Variants in RRP12 observed in about 807,000 individuals in gnomAD.
RRP12 encodes the protein RRP12-like protein.
In RRP12, 78 loss-of-function variants were observed where a neutral mutation model predicts 157.3. The ratio of observed to expected loss-of-function variants is 0.50; its 90% CI spans 0.41 to 0.60. The LOEUF (loss-of-function observed/expected upper bound fraction) is 0.60. RRP12 is among the 20% of genes least tolerant of loss of function. The pLI is 0.00. For synonymous variants in RRP12, 726 were observed against 670.9 expected, an observed-to-expected ratio of 1.08 and a Z score of -1.27; for missense variants, 1,521 against 1,679.9, an observed-to-expected ratio of 0.91 and a Z score of 1.65.
At chr10:97,372,699 C>T in intron 19 of RRP12, 37 bp downstream of exon 19, 1 of 1,528,172 alleles carries the variant, frequency 6.5e-7, no homozygotes, top group Non-Finnish European at 8.9e-7. Flanking sequence ...GCTCCCTGGG[C>T]TGCTCCAGCT....
At chr10:97,380,999 TAC>T in intron 12 of RRP12, 86 bp from the exon 13 acceptor site, 1 of 1,063,050 alleles carries the variant, frequency 9.4e-7, no homozygotes, top group Non-Finnish European at 1.4e-6. Flanking sequence ...CACCCTGAGC[TAC>T]AGACGCTAGC....
chr10:97,392,067 A>G (rs1229694437), intron 4 of RRP12, among the ~76,000 whole-genome samples: 1 of 151,432 alleles, frequency 6.6e-6, no homozygotes, highest in Admixed American at 6.6e-5. Context: ...GTAGTGGCAC[A>G]ATTAGGCTCA....
chr10:97,386,473 C>T (rs1564764641), intron 8 of RRP12, among the ~76,000 whole-genome samples: 1 of 152,028 alleles, frequency 6.6e-6, no homozygotes. Context: ...TGAGCCACTG[C>T]ACCTGGCCTT....
chr10:97,380,248 CT>C (rs925687106), intron 13 of RRP12, among the ~76,000 whole-genome samples: 14 of 152,236 alleles, frequency 9.2e-5, no homozygotes, highest in African/African-American at 3.4e-4. Context: ...ACCAGGGTTC[CT>C]TTTTTCCAGC....
intron 10 of RRP12, among the ~76,000 whole-genome samples, chr10:97,383,341 C>T (rs1844522694): frequency 6.6e-6 from 1 of 152,200 alleles, no homozygotes; most frequent in Non-Finnish European, 1.5e-5. Flanking sequence ...GAGACCTGGC[C>T]TTACTCATCA....
chr10:97,395,320 G>A (rs1330698902), intron 3 of RRP12, among the ~76,000 whole-genome samples: 1 of 151,972 alleles, frequency 6.6e-6, no homozygotes, highest in Admixed American at 6.6e-5. Context: ...GGAGGCTGAG[G>A]TAGGGGGGAT....
Position 97,358,604 on chromosome 10 carries a change from C to T in RRP12, c.3724G>A (p.Val1242Met), listed in dbSNP as rs777545450. ...GGATCCGGCCGGCCTTTCTTCTTCA[C>T]ATCACCTTTTGCTTTCTGCTTGCCC... is the stretch of plus-strand genomic sequence containing the variant. ...EYKAKKAKGD[V>M]KKKGRPDPYA... The change falls in exon 33 of 34, where the codon GTG becomes ATG. Residue 1242 changes from valine (V) to methionine (M), a missense_variant. By Grantham distance (21) the Val-to-Met change is conservative. Transcript: ENST00000370992. The T allele has an allele frequency of 3.1e-5, 50 of 1,613,812 alleles. No individual in the cohort carries two copies. In the South Asian group the frequency reaches 5.3e-4, roughly 17 times the overall value.
intron 31 of RRP12, 23 bp downstream of exon 31, chr10:97,360,523 G>C (rs1843814321): frequency 6.3e-7 from 1 of 1,584,514 alleles, no homozygotes; most frequent in Non-Finnish European, 8.7e-7. Flanking sequence ...ATGTGTCCCA[G>C]GAGAGAGGAG....
intron 29 of RRP12, among the ~76,000 whole-genome samples, chr10:97,365,596 A>G (rs1405192706): frequency 6.6e-6 from 1 of 151,964 alleles, no homozygotes; most frequent in African/African-American, 2.4e-5. Flanking sequence ...TTCTTAGCTA[A>G]TGGCTGGATA....
chr10:97,370,605 C>T (rs1366777748), intron 22 of RRP12, 45 bp from the exon 23 acceptor site: 13 of 1,589,544 alleles, frequency 8.2e-6, no homozygotes, highest in African/African-American at 1.3e-5. Context: ...GAGCCATCTG[C>T]CCGGGAAGCG....
rs1844010692 is a variant in RRP12, at chr10:97,367,126, C to T, written c.2962G>A (p.Ala988Thr). The T allele has an allele frequency of 6.2e-7, 1 of 1,614,072 alleles. No homozygotes were observed. Among genetic ancestry groups the T allele is most frequent in the Non-Finnish European group, 8.5e-7 (1 of 1,179,962 alleles). Residue 988 changes from alanine (A) to threonine (T), a missense_variant, in exon 26 of 34, where the codon GCC becomes ACC. Transcript: ENST00000370992. ...LAKHVQLVMEAIGKLSDDMRR... is the reference protein window; with the variant it reads ...LAKHVQLVMETIGKLSDDMRR... ...ATGTCATCTGAAAGCTTCCCAATGG[C>T]TTCCATCTGCCGGACAGAGCACCAG...
Position 97,380,932 on chromosome 10 carries a change from A to G in RRP12, c.1419-19T>C, listed in dbSNP as rs1251106505. ...CACTGCCCTGCCAAGGGGGCGGCACAGTCAGGGCCACGGTCACACCACCCT... is the reference window on the plus strand; with the variant it reads ...CACTGCCCTGCCAAGGGGGCGGCACGGTCAGGGCCACGGTCACACCACCCT... On this transcript the variant is annotated intron_variant, in intron 12 of 33. Transcript: ENST00000370992. 6.3e-7 allele frequency: 1 copy of G among 1,591,512 alleles called. No individual in the cohort carries two copies. The highest frequency in any genetic ancestry group is 1.1e-5 in the South Asian group (1 of 90,618).
At chr10:97,392,330 G>A (rs1363688709) in intron 4 of RRP12, among the ~76,000 whole-genome samples, 4 of 151,558 alleles carry the variant, frequency 2.6e-5, no homozygotes, top group Admixed American at 2.0e-4. Flanking sequence ...AAAGAATCAA[G>A]GTTTTTTATT....
At chr10:97,369,184 C>T (rs1310241647) in intron 25 of RRP12, among the ~76,000 whole-genome samples, 3 of 152,204 alleles carry the variant, frequency 2.0e-5, no homozygotes, top group African/African-American at 7.2e-5. Flanking sequence ...TGGGCCTTTG[C>T]CCTGAAGAGC....
In RRP12 at chr10:97,366,559, C is replaced by G. The variant is rs1422244878; in HGVS notation, c.3278G>C (p.Arg1093Pro). The G allele has an allele frequency of 6.2e-7, 1 of 1,614,130 alleles. No homozygotes were observed. Among genetic ancestry groups the G allele is most frequent in the African/African-American group, 1.3e-5 (1 of 75,066 alleles). The part of the protein sequence containing the change: ...EEDNEEEERS[R>P]GKEQRKLARQ... ...TGCCAGCTTCCGCTGCTCCTTGCCT[C>G]GGCTTCTTTCCTCCTCCTCATTGTC... Residue 1093 changes from arginine to proline, a missense_variant, in exon 28 of 34, where the codon CGA becomes CCA. Physicochemically the swap from Arg to Pro is moderately radical, Grantham distance 103. Transcript: ENST00000370992.
chr10:97,369,624 C>A, intron 24 of RRP12, 42 bp from the exon 25 acceptor site: 1 of 1,535,354 alleles, frequency 6.5e-7, no homozygotes, highest in South Asian at 1.2e-5. Flanking sequence ...ACCCAGGACC[C>A]CACTCAGACC....
chr10:97,389,655 G>T (rs532580084), intron 6 of RRP12, among the ~76,000 whole-genome samples: 1 of 152,284 alleles, frequency 6.6e-6, no homozygotes, highest in East Asian at 1.9e-4. Context: ...CGCCAGGCCT[G>T]TGGGGAACAC....
At chr10:97,367,623 C>G (rs1844026608) in intron 25 of RRP12, among the ~76,000 whole-genome samples, 1 of 152,210 alleles carries the variant, frequency 6.6e-6, no homozygotes, top group African/African-American at 2.4e-5. Context: ...GCATTCTGCT[C>G]TGGCTGGATT....
chr10:97,377,564 G>A lies in RRP12; in HGVS notation c.1798+1729C>T, dbSNP rs116660623. Among the ~76,000 whole-genome samples the A allele has an allele frequency of 2.9e-3, 445 of 151,364 alleles. 2 individuals carry two copies. The highest frequency in any genetic ancestry group is 0.01 in the African/African-American group (428 of 41,194). ...TGTTTCAATAAAATTGTATGTACAG[G>A]CTTGGCACAGTGGCTCACGCCTGTA... On this transcript the variant is annotated intron_variant, in intron 15 of 33. Coordinates refer to ENST00000370992, the MANE Select transcript of RRP12 (RefSeq NM_015179.4).
Sources: gnomAD v4.1 joint callset for allele counts (sites outside exome capture counted in the v4.1 genomes callset) on GRCh38, gnomAD v4.1.1 for gene constraint, MANE v1.5 for transcripts, NCBI Gene and HGNC (gene_info 2026-07-23, HGNC 2026-07-21) for gene names.